Variants in ADGRV1 observed in about 807,000 individuals in gnomAD.
ADGRV1 encodes the protein G-protein coupled receptor 98.
Under a neutral mutation model 596.2 loss-of-function variants are expected in ADGRV1, and 359 were observed. The ratio of observed to expected loss-of-function variants is 0.60; its 90% CI spans 0.55 to 0.66. The LOEUF (loss-of-function observed/expected upper bound fraction) is 0.66. Among genes scored for constraint, ADGRV1 ranks in the 30% least tolerant of loss-of-function variants. ADGRV1 has a pLI of 0.00. For synonymous variants in ADGRV1, 2,681 were observed against 2,679.2 expected (o/e 1.00, Z -0.02); for missense variants, 7,274 against 7,575.6 (o/e 0.96, Z 1.48).
chr5:91,148,611 C>A (rs1795756424), intron 87 of ADGRV1, among the ~76,000 whole-genome samples: 1 of 152,182 alleles, frequency 6.6e-6, no homozygotes, highest in South Asian at 2.1e-4. Flanking sequence ...CATAAAGAAC[C>A]TCTGGTAGGG....
chr5:91,018,912 T>G (rs548480061), intron 85 of ADGRV1, among the ~76,000 whole-genome samples: 1 of 152,058 alleles, frequency 6.6e-6, no homozygotes, highest in South Asian at 2.1e-4. Flanking sequence ...ATCTAGGTGT[T>G]GAGCCGGTGT....
intron 85 of ADGRV1, among the ~76,000 whole-genome samples, chr5:91,069,179 A>T (rs745543303): frequency 3.3e-5 from 5 of 152,306 alleles, no homozygotes; most frequent in Admixed American, 1.3e-4. Flanking sequence ...ACCTACAACT[A>T]TAAAACTCCC....
At chr5:90,702,321 A>G (rs1748010552) in intron 34 of ADGRV1, among the ~76,000 whole-genome samples, 1 of 151,952 alleles carries the variant, frequency 6.6e-6, no homozygotes, top group Admixed American at 6.6e-5. Flanking sequence ...TGCTTTTAAA[A>G]GATAAAACTA....
Position 90,692,695 on chromosome 5 carries a change from C to T in ADGRV1, c.7042C>T (p.Pro2348Ser), listed in dbSNP as rs1157298898. Residue 2348 changes from proline (P) to serine (S), a missense_variant, in exon 32 of 90, where the codon CCT (proline) becomes TCT (serine). Transcript: ENST00000405460. ...TATTATTATTCCTGCCAATGATGATCCTTATGGTACAGTAGCCTTTGCTCA... is the reference window on the plus strand; with the variant it reads ...TATTATTATTCCTGCCAATGATGATTCTTATGGTACAGTAGCCTTTGCTCA... The part of the protein sequence containing the change: ...ANIIIPANDD[P>S]YGTVAFAQMV... 1 of 1,610,546 alleles carries T rather than the reference C, an allele frequency of 6.2e-7. No homozygotes were observed. Among genetic ancestry groups the T allele is most frequent in the Admixed American group, 1.7e-5 (1 of 59,516 alleles).
intron 21 of ADGRV1, among the ~76,000 whole-genome samples, chr5:90,663,148 A>G (rs1463637858): frequency 1.3e-5 from 2 of 149,858 alleles, no homozygotes; most frequent in African/African-American, 2.5e-5. Context: ...GGCTGGGTCA[A>G]ATGGTATTTC....
At chr5:90,698,371 A>C (rs548089461) in intron 34 of ADGRV1, among the ~76,000 whole-genome samples, 146 of 152,280 alleles carry the variant, frequency 9.6e-4, no homozygotes, top group Middle Eastern at 3.4e-3. Context: ...CCAGATTTTC[A>C]TACAAGGAAA....
chr5:90,765,429 C>CCACACA lies in ADGRV1; in HGVS notation c.12285+1997_12285+2002dup, dbSNP rs531033246. On this transcript the variant is annotated intron_variant, in intron 59 of 89. Transcript: ENST00000405460. ...GCATGATGGGGGGAAAAATCACAGA[C>CCACACA]CACACACACACACACACACACACAC... Among the ~76,000 whole-genome samples, 567 of 136,334 alleles carry CCACACA rather than the reference C, an allele frequency of 4.2e-3. 1 individual carries two copies. The highest frequency in any genetic ancestry group is 0.015 in the Middle Eastern group (4 of 274). The allele number at this position is 136,334 out of a possible 152,430, so 89.4% of individuals were successfully genotyped here. A position where few individuals can be genotyped will look rare whatever the true frequency, so the allele number is the denominator to read the frequency against.
chr5:90,918,698 G>A (rs1773602146), intron 83 of ADGRV1, among the ~76,000 whole-genome samples: 1 of 152,104 alleles, frequency 6.6e-6, no homozygotes, highest in African/African-American at 2.4e-5. Flanking sequence ...AACATGTTAT[G>A]CAATGTCTTG....
intron 83 of ADGRV1, among the ~76,000 whole-genome samples, chr5:90,865,367 C>T (rs562563443): frequency 6.6e-6 from 1 of 152,108 alleles, no homozygotes; most frequent in Non-Finnish European, 1.5e-5. Context: ...AGAATTTGTA[C>T]AAGACTTAAT....
chr5:90,637,954 A>G lies in ADGRV1; in HGVS notation c.2240+6A>G. On this transcript the variant is annotated splice_donor_region_variant and intron_variant, in intron 11 of 89. Transcript: ENST00000405460. ...GTAACACTTTCTCTAGACAGGTAAT[A>G]ACCCATTTAGGTAATGTTTAGTATC... 1.3e-6 allele frequency: 2 copies of G among 1,593,620 alleles called. No homozygotes were observed. Among genetic ancestry groups the G allele is most frequent in the Non-Finnish European group, 8.6e-7 (1 of 1,162,330 alleles).
intron 1 of ADGRV1, among the ~76,000 whole-genome samples, chr5:90,592,327 T>C (rs1435325050): frequency 2.0e-5 from 3 of 152,190 alleles, no homozygotes; most frequent in Non-Finnish European, 4.4e-5. Flanking sequence ...TGGATGGAAT[T>C]GGAGACCATT....
At chr5:91,139,053 G>T (rs1189735665) in intron 87 of ADGRV1, among the ~76,000 whole-genome samples, 1 of 152,176 alleles carries the variant, frequency 6.6e-6, no homozygotes, top group Non-Finnish European at 1.5e-5. Flanking sequence ...TTACAGGCGT[G>T]AGCCACCGCG....
chr5:90,788,863 GACACACACACACAC>G (rs70973708), intron 68 of ADGRV1, among the ~76,000 whole-genome samples: 11 of 146,940 alleles, frequency 7.5e-5, no homozygotes, highest in African/African-American at 2.5e-4. Context: ...CACAGACACA[GACACACACACACAC>G]ACACACACAC....
chr5:90,675,248 C>T lies in ADGRV1; in HGVS notation c.5116C>T (p.Leu1706=). 1 of 1,612,870 alleles carries T rather than the reference C, an allele frequency of 6.2e-7. No homozygotes were observed. Among genetic ancestry groups the T allele is most frequent in the East Asian group, 2.2e-5 (1 of 44,866 alleles). Residue 1706 remains leucine, a synonymous_variant, in exon 24 of 90, where the codon CTG becomes TTG. Coordinates refer to ENST00000405460, the MANE Select transcript of ADGRV1 (RefSeq NM_032119.4). ...IKASDHPYGL[L]QFSTGLPPQP... ...GGCCCCTTTGTCTCCACTAGGCTTG[C>T]TGCAGTTCTCCACAGGGCTGCCTCC...
rs774893895 is a variant in ADGRV1, at chr5:90,855,843, T to A, written c.17697T>A (p.Thr5899=). 3.1e-6 allele frequency: 5 copies of A among 1,613,036 alleles called. No homozygotes were observed. The highest frequency in any genetic ancestry group is 4.2e-6 in the Non-Finnish European group (5 of 1,179,214). ...HMSVYAVYAR[T]DNLSSYNEAF... ...CTGTGTATGCTGTCTATGCTCGGAC[T>A]GACAACTTGTCTTCATACAATGAAG... The change falls in exon 82 of 90, where the codon ACT becomes ACA. Residue 5899 remains threonine (T), a synonymous_variant. Coordinates refer to ENST00000405460, the MANE Select transcript of ADGRV1 (RefSeq NM_032119.4).
At chr5:91,033,335 T>C (rs1396164864) in intron 85 of ADGRV1, among the ~76,000 whole-genome samples, 1 of 152,206 alleles carries the variant, frequency 6.6e-6, no homozygotes, top group East Asian at 1.9e-4. Context: ...AGGAATTCCT[T>C]GTGCCCTTTG....
intron 1 of ADGRV1, among the ~76,000 whole-genome samples, chr5:90,586,060 G>A (rs774387073): frequency 2.0e-5 from 3 of 152,308 alleles, no homozygotes; most frequent in Admixed American, 6.5e-5. Context: ...AAGAGTTAAT[G>A]TTAAATTTAA....
intron 85 of ADGRV1, among the ~76,000 whole-genome samples, chr5:90,994,203 C>T (rs1230797158): frequency 3.3e-5 from 5 of 151,980 alleles, no homozygotes; most frequent in African/African-American, 9.7e-5. Flanking sequence ...GCTGGGATTA[C>T]AGGCACCCAC....
In ADGRV1 at chr5:90,626,188, AAACTC is replaced by A; in HGVS notation, c.672+948_672+952del. On this transcript the variant is annotated intron_variant, in intron 6 of 89. Transcript: ENST00000405460. ...AAAATTCTGAAACTAAATCACAAGA[AAACTC>A]AAGAGAAGGGAAAAAATGTATTAGA... 7 of 152,328 alleles carry A rather than the reference AAACTC, an allele frequency of 4.6e-5. 1 individual carries two copies. In the South Asian group the frequency reaches 1.5e-3, roughly 32 times the overall value. The allele number at this position is 152,328 out of a possible 1,614,324, so 9.4% of individuals were successfully genotyped here. A position where few individuals can be genotyped will look rare whatever the true frequency, so the allele number is the denominator to read the frequency against.
Sources: allele counts gnomAD v4.1 joint callset (sites outside exome capture counted in the v4.1 genomes callset), GRCh38; gene constraint gnomAD v4.1.1; transcripts MANE v1.5; gene names NCBI Gene and HGNC (gene_info 2026-07-23, HGNC 2026-07-21).